The following ZNF292 variants were observed in gnomAD, a reference collection of about 807,000 sequenced individuals.
The protein encoded by ZNF292 is zinc finger protein 292.
In ZNF292, 26 loss-of-function variants were observed where a neutral mutation model predicts 217.9. That is an observed-to-expected ratio of 0.12 (90% CI 0.09 to 0.17). The LOEUF is 0.17. Ranked by LOEUF, ZNF292 falls within the 10% of genes least tolerant of loss-of-function variation. ZNF292 has a pLI of 1.00. For synonymous variants in ZNF292, 1,257 were observed against 1,124.1 expected, an observed-to-expected ratio of 1.12 and a Z score of -2.37; for missense variants, 2,904 against 3,175.2, an observed-to-expected ratio of 0.91 and a Z score of 2.05.
At position 87,265,245 on chromosome 6, in the gene ZNF292, G is replaced by A. The variant is rs1046946433; in HGVS notation, c.*3444G>A. On this transcript the variant is annotated 3_prime_UTR_variant, in exon 8 of 8. Transcript: ENST00000369577. ...TTCTCCTGCCTCAGCCTCCCCAGTAGCTGGGACTACAGATGCATGCTATCA... is the reference window on the plus strand; with the variant it reads ...TTCTCCTGCCTCAGCCTCCCCAGTAACTGGGACTACAGATGCATGCTATCA... 6.6e-5 allele frequency among the ~76,000 whole-genome samples: 10 copies of A among 152,040 alleles called. No individual in the cohort carries two copies. The highest frequency in any genetic ancestry group is 5.2e-4 in the Admixed American group (8 of 15,248).
chr6:87,172,127 A>G (rs964869856), intron 1 of ZNF292, among the ~76,000 whole-genome samples: 1 of 152,190 alleles, frequency 6.6e-6, no homozygotes, highest in Non-Finnish European at 1.5e-5. Context: ...TCTTTACCCT[A>G]TGATACCCTA....
chr6:87,190,307 A>G (rs1367949773), intron 1 of ZNF292, among the ~76,000 whole-genome samples: 2 of 152,224 alleles, frequency 1.3e-5, no homozygotes, highest in Non-Finnish European at 2.9e-5. Flanking sequence ...AGAAGCATTA[A>G]TGAACATTGT....
Position 87,259,943 on chromosome 6 carries a change from C to T in ZNF292, c.6314C>T (p.Pro2105Leu), listed in dbSNP as rs772145746. ...CCAGTTTCCCAATCCCTTGAGTTTC[C>T]AACAAGATACAGTCCTTACAGACCT... is the stretch of plus-strand genomic sequence containing the variant. ...KKPVSQSLEF[P>L]TRYSPYRPYR... The change falls in exon 8 of 8, where the codon CCA (proline) becomes CTA (leucine). Residue 2105 changes from proline to leucine, a missense_variant. This residue lies in a region of ZNF292 where 261 missense variants were observed against 272.8 expected (regional missense o/e 0.96). Coordinates refer to ENST00000369577, the MANE Select transcript of ZNF292 (RefSeq NM_015021.3). 2.5e-6 allele frequency: 4 copies of T among 1,613,448 alleles called. No homozygotes were observed. The highest frequency in any genetic ancestry group is 2.5e-6 in the Non-Finnish European group (3 of 1,179,688).
At chr6:87,156,740 G>A (rs1232298701) in intron 1 of ZNF292, among the ~76,000 whole-genome samples, 1 of 152,190 alleles carries the variant, frequency 6.6e-6, no homozygotes, top group African/African-American at 2.4e-5. Flanking sequence ...ACCAGAATTT[G>A]GAATGTTAAT....
chr6:87,264,602 C>T lies in ZNF292; in HGVS notation c.*2801C>T, dbSNP rs961263429. ...ATGAGTTTTGAAAGATGAATGAATG[C>T]TCATTGGTTCAGGGGGACAAGGGAA... On this transcript the variant is annotated 3_prime_UTR_variant, in exon 8 of 8. Transcript: ENST00000369577. Among the ~76,000 whole-genome samples the T allele has an allele frequency of 6.6e-6, 1 of 151,928 alleles. No individual in the cohort carries two copies. Among genetic ancestry groups the T allele is most frequent in the African/African-American group, 2.4e-5 (1 of 41,340 alleles).
At chr6:87,227,934 G>A (rs775530606) in intron 4 of ZNF292, among the ~76,000 whole-genome samples, 6 of 152,180 alleles carry the variant, frequency 3.9e-5, no homozygotes, top group African/African-American at 1.4e-4. Context: ...TCAAGAGCCT[G>A]CTTTCAGTTC....
At chr6:87,196,020 T>G (rs1771944794) in intron 1 of ZNF292, among the ~76,000 whole-genome samples, 1 of 143,396 alleles carries the variant, frequency 7.0e-6, no homozygotes, top group Non-Finnish European at 1.5e-5. Context: ...AGAGTGAGAC[T>G]CCGTCTCAAA....
In ZNF292 at chr6:87,260,645, A is replaced by G. The variant is rs79279807; in HGVS notation, c.7016A>G (p.Asn2339Ser). The change falls in exon 8 of 8, where the codon AAT becomes AGT. Residue 2339 changes from asparagine to serine, a missense_variant. Around this residue, in one of 15 missense-constraint regions of ZNF292, gnomAD observed 101 missense variants for 89.5 expected, o/e 1.13. Transcript: ENST00000369577. ...CCCAAGACCAAACGAAAGAAAAAAA[A>G]TAATTTAGAAAACAAGAATGCAAAG... ...KMPKTKRKKK[N>S]NLENKNAKIV... 1.2e-6 allele frequency: 2 copies of G among 1,612,548 alleles called. No individual in the cohort carries two copies. The highest frequency in any genetic ancestry group is 1.7e-6 in the Non-Finnish European group (2 of 1,179,462).
At position 87,233,539 on chromosome 6, in the gene ZNF292, T is replaced by G. The variant is rs768933206; in HGVS notation, c.741+12T>G. On this transcript the variant is annotated intron_variant, in intron 5 of 7. Transcript: ENST00000369577. ...AGTTAATCGAAGAGGTGAGTATGTT[T>G]TCTTTCATTAGTAATTATTTTTTAA... The G allele has an allele frequency of 2.7e-5, 42 of 1,584,604 alleles. No homozygotes were observed. Among genetic ancestry groups the G allele is most frequent in the Non-Finnish European group, 3.4e-5 (40 of 1,165,638 alleles).
chr6:87,176,018 A>G (rs1172096446), intron 1 of ZNF292, among the ~76,000 whole-genome samples: 1 of 152,158 alleles, frequency 6.6e-6, no homozygotes, highest in African/African-American at 2.4e-5. Flanking sequence ...AATGATAGCT[A>G]TTATTAATAT....
rs1266428692 is a variant in ZNF292, at chr6:87,256,845, A to G, written c.3216A>G (p.Ala1072=). ...NLPLKTLESI[A]FVPPQSDLSN... Reference sequence around the variant, plus strand: ...CTCTTAAGACATTAGAAAGTATTGCATTTGTTCCACCGCAGTCCGACCTAA... The same window carrying G: ...CTCTTAAGACATTAGAAAGTATTGCGTTTGTTCCACCGCAGTCCGACCTAA... Residue 1072 remains alanine (A), a synonymous_variant, in exon 8 of 8, where the codon GCA becomes GCG. Coordinates refer to ENST00000369577, the MANE Select transcript of ZNF292 (RefSeq NM_015021.3). 1 of 1,613,774 alleles carries G rather than the reference A, an allele frequency of 6.2e-7. No homozygotes were observed. Among genetic ancestry groups the G allele is most frequent in the South Asian group, 1.1e-5 (1 of 91,072 alleles).
chr6:87,236,968 A>G lies in ZNF292; in HGVS notation c.741+3441A>G, dbSNP rs185311576. Among the ~76,000 whole-genome samples, 10 of 152,328 alleles carry G rather than the reference A, an allele frequency of 6.6e-5. No homozygotes were observed. The East Asian group carries it at 1.9e-3, about 29-fold the overall frequency. On this transcript the variant is annotated intron_variant, in intron 5 of 7. Transcript: ENST00000369577. ...CTTGTGGGGAGTATACTGGTAGGGT[A>G]AATTTCTGGAAGTGAAATTGCTGGA...
In ZNF292 at chr6:87,255,798, T is replaced by C. The variant is rs1775179498; in HGVS notation, c.2169T>C (p.Ile723=). Reference sequence around the variant, plus strand: ...TTGAAATGCAGAGCAAAAAAGTTATTTGCCAGTACTGTAGGCGGCATTTTG... The same window carrying C: ...TTGAAATGCAGAGCAAAAAAGTTATCTGCCAGTACTGTAGGCGGCATTTTG... ...RFLEMQSKKV[I]CQYCRRHFVS... Residue 723 remains isoleucine (I), a synonymous_variant, in exon 8 of 8, where the codon ATT becomes ATC. Transcript: ENST00000369577. The C allele has an allele frequency of 6.2e-7, 1 of 1,613,850 alleles. No individual in the cohort carries two copies. The highest frequency in any genetic ancestry group is 1.7e-5 in the Admixed American group (1 of 59,990).
At chr6:87,180,273 C>T (rs1421373582) in intron 1 of ZNF292, among the ~76,000 whole-genome samples, 1 of 152,268 alleles carries the variant, frequency 6.6e-6, no homozygotes, top group Non-Finnish European at 1.5e-5. Flanking sequence ...TTCGGCATTT[C>T]TTCTTTATGT....
chr6:87,198,251 C>A (rs574858785), intron 1 of ZNF292, among the ~76,000 whole-genome samples: 9 of 152,150 alleles, frequency 5.9e-5, no homozygotes, highest in African/African-American at 2.2e-4. Flanking sequence ...GTCACCCAGG[C>A]TGGAGTGCAG....
intron 4 of ZNF292, chr6:87,223,907 A>C (rs1773215792): frequency 6.6e-6 from 1 of 152,246 alleles, no homozygotes; most frequent in African/African-American, 2.4e-5. Context: ...TTAGAAACCA[A>C]GATCTATATT....
intron 1 of ZNF292, among the ~76,000 whole-genome samples, chr6:87,170,726 C>T (rs1485310203): frequency 6.6e-6 from 1 of 152,066 alleles, no homozygotes; most frequent in Non-Finnish European, 1.5e-5. Flanking sequence ...TTTTGTCTTT[C>T]ATATATAGTT....
chr6:87,215,970 C>A lies in ZNF292; in HGVS notation c.236C>A (p.Thr79Lys). ...CCTTTACCTTTATTGGAGGTATACACAGTGGCTATCCAAAGTTATGTTAAA... is the reference window on the plus strand; with the variant it reads ...CCTTTACCTTTATTGGAGGTATACAAAGTGGCTATCCAAAGTTATGTTAAA... ...EDPLPLLEVY[T>K]VAIQSYVKAR... The change falls in exon 2 of 8, where the codon ACA (threonine) becomes AAA (lysine). Residue 79 changes from threonine (T) to lysine (K), a missense_variant. Around this residue, in one of 15 missense-constraint regions of ZNF292, gnomAD observed 313 missense variants for 451.0 expected, o/e 0.69. Coordinates refer to ENST00000369577, the MANE Select transcript of ZNF292 (RefSeq NM_015021.3). 6.3e-7 allele frequency: 1 copy of A among 1,599,320 alleles called. No homozygotes were observed. Among genetic ancestry groups the A allele is most frequent in the Non-Finnish European group, 8.5e-7 (1 of 1,175,672 alleles).
chr6:87,191,868 GC>G (rs1208773061), intron 1 of ZNF292, among the ~76,000 whole-genome samples: 2 of 152,046 alleles, frequency 1.3e-5, no homozygotes, highest in Non-Finnish European at 2.9e-5. Flanking sequence ...CACCATGTTG[GC>G]CAGGCTGGTC....
Sources: allele counts gnomAD v4.1 joint callset (sites outside exome capture counted in the v4.1 genomes callset), GRCh38; gene constraint gnomAD v4.1.1; regional missense constraint gnomAD v4.1.1; transcripts MANE v1.5; gene names NCBI Gene and HGNC (gene_info 2026-07-23, HGNC 2026-07-21).